Variants in CAPN11 observed in about 807,000 individuals in gnomAD.
CAPN11 encodes the protein calpain-11.
Under a neutral mutation model 105.3 loss-of-function variants are expected in CAPN11, and 108 were observed. The ratio of observed to expected loss-of-function variants is 1.03; its 90% CI spans 0.88 to 1.20. The LOEUF (loss-of-function observed/expected upper bound fraction) is 1.20. CAPN11 is among the 50% of genes most tolerant of loss of function. CAPN11 has a pLI of 0.00. For missense variants in CAPN11, 883 were observed against 924.8 expected (o/e 0.95, Z 0.59); for synonymous variants, 329 against 344.5 (o/e 0.96, Z 0.50).
chr6:44,170,752 G>T (rs1770847152), intron 4 of CAPN11, among the ~76,000 whole-genome samples: 1 of 152,158 alleles, frequency 6.6e-6, no homozygotes, highest in Non-Finnish European at 1.5e-5. Context: ...CACTACAGGT[G>T]CTAGAACCCG....
rs200836901 is a variant in CAPN11 at position 44,180,664 on chromosome 6, T to C, written c.1746+2T>C. 1 of 1,607,198 alleles carries C rather than the reference T, an allele frequency of 6.2e-7. No homozygotes were observed. Among genetic ancestry groups the C allele is most frequent in the Non-Finnish European group, 8.5e-7 (1 of 1,177,140 alleles). On this transcript the variant is annotated splice_donor_variant, in intron 16 of 22. Coordinates refer to ENST00000398776, the MANE Select transcript of CAPN11 (RefSeq NM_007058.4). LOFTEE classifies it high-confidence loss of function. Reference sequence around the variant, plus strand: ...TTGTTTAAGATAGTGGCAGGAGAGGTGAGCAGGCCACGAGCGGAGGGCTGA... The same window carrying C: ...TTGTTTAAGATAGTGGCAGGAGAGGCGAGCAGGCCACGAGCGGAGGGCTGA...
chr6:44,160,052 T>G (rs1768439215), intron 1 of CAPN11, among the ~76,000 whole-genome samples: 1 of 151,716 alleles, frequency 6.6e-6, no homozygotes, highest in Non-Finnish European at 1.5e-5. Context: ...GAGAATCTCT[T>G]GAACCCAGCA....
At chr6:44,177,150 C>A in intron 11 of CAPN11, 92 bp from the exon 12 acceptor site, 1 of 1,478,376 alleles carries the variant, frequency 6.8e-7, no homozygotes, top group Non-Finnish European at 9.2e-7. Flanking sequence ...GAGGAGACAG[C>A]TCCAGTGTGG....
Position 44,177,280 on chromosome 6 carries a change from C to T in CAPN11, c.1276C>T (p.Pro426Ser), listed in dbSNP as rs773630807. 1 of 1,609,982 alleles carries T rather than the reference C, an allele frequency of 6.2e-7. No homozygotes were observed. Among genetic ancestry groups the T allele is most frequent in the Non-Finnish European group, 8.5e-7 (1 of 1,178,152 alleles). The change falls in exon 12 of 23, where the codon CCT (proline) becomes TCT (serine). Residue 426 changes from proline (P) to serine (S), a missense_variant. Transcript: ENST00000398776. ...CAACCCCCAGTTTAAGATCTCTCTT[C>T]CTGAGGGGGATGACCCAGAGGATGA... ...WTNPQFKISLPEGDDPEDDAE... is the reference protein window; with the variant it reads ...WTNPQFKISLSEGDDPEDDAE...
Position 44,180,923 on chromosome 6 carries a change from T to A in CAPN11, c.1805-10T>A. 6.2e-7 allele frequency: 1 copy of A among 1,613,324 alleles called. No individual in the cohort carries two copies. Among genetic ancestry groups the A allele is most frequent in the Non-Finnish European group, 8.5e-7 (1 of 1,179,388 alleles). On this transcript the variant is annotated splice_polypyrimidine_tract_variant and intron_variant, in intron 17 of 22. Transcript: ENST00000398776. ...CTGTCTCTCCTTTCTACCCCTTCCCTTCCTCACAGTCAAAAGCTTCAAGAC... is the reference window on the plus strand; with the variant it reads ...CTGTCTCTCCTTTCTACCCCTTCCCATCCTCACAGTCAAAAGCTTCAAGAC...
rs1772976900 is a variant in CAPN11 at position 44,180,601 on chromosome 6, A to G, written c.1685A>G (p.Lys562Arg). The change falls in exon 16 of 23, where the codon AAG (lysine) becomes AGG (arginine). Residue 562 changes from lysine to arginine, a missense_variant. Coordinates refer to ENST00000398776, the MANE Select transcript of CAPN11 (RefSeq NM_007058.4). ...TTCCTGCTCCCCGGCCCCCAGGAAA[A>G]GGTCTCTGAGGATGACATGGACCAG... ...VNYAEQLQEE[K>R]VSEDDMDQDF... 1 of 1,613,754 alleles carries G rather than the reference A, an allele frequency of 6.2e-7. No homozygotes were observed. Among genetic ancestry groups the G allele is most frequent in the Non-Finnish European group, 8.5e-7 (1 of 1,179,802 alleles).
rs1484831068 is a variant in CAPN11, at chr6:44,182,009, CACAT to C, written c.1938+693_1938+696del. Reference sequence around the variant, plus strand: ...CACAACCACACCACACTCACACACACACATACACACTCACATACAGACACAACCA... The same window carrying C: ...CACAACCACACCACACTCACACACACACACACTCACATACAGACACAACCA... On this transcript the variant is annotated intron_variant, in intron 19 of 22. Transcript: ENST00000398776. Among the ~76,000 whole-genome samples, 542 of 86,666 alleles carry C rather than the reference CACAT, an allele frequency of 6.3e-3. 2 individuals carry two copies. Among genetic ancestry groups the C allele is most frequent in the African/African-American group, 0.014 (226 of 16,494 alleles). 56.9% of individuals were successfully genotyped at this position (86,666 alleles called of 152,430 possible). A position where few individuals can be genotyped will look rare whatever the true frequency, so the allele number is the denominator to read the frequency against.
At chr6:44,177,137 G>A in intron 11 of CAPN11, 105 bp from the exon 12 acceptor site, 1 of 1,466,506 alleles carries the variant, frequency 6.8e-7, no homozygotes, top group Non-Finnish European at 9.3e-7. Flanking sequence ...CACAGCCCCT[G>A]TGGAGGAGAC....
Position 44,177,532 on chromosome 6 carries a change from G to A in CAPN11, c.1416+112G>A, listed in dbSNP as rs147072835. Reference sequence around the variant, plus strand: ...AGACAGAGTCTCACTCTGTTGCCCAGGCTGGAGTGCAGTGGCACAATCTCC... The same window carrying A: ...AGACAGAGTCTCACTCTGTTGCCCAAGCTGGAGTGCAGTGGCACAATCTCC... On this transcript the variant is annotated intron_variant, in intron 12 of 22. Coordinates refer to ENST00000398776, the MANE Select transcript of CAPN11 (RefSeq NM_007058.4). 61 of 1,011,436 alleles carry A rather than the reference G, an allele frequency of 6.0e-5. No individual in the cohort carries two copies. The African/African-American group carries it at 8.4e-4, about 14-fold the overall frequency. The allele number at this position is 1,011,436 out of a possible 1,614,324, so 62.7% of individuals were successfully genotyped here.
At chr6:44,177,149 G>C in intron 11 of CAPN11, 93 bp from the exon 12 acceptor site, 2 of 1,470,322 alleles carry the variant, frequency 1.4e-6, no homozygotes, top group Non-Finnish European at 1.8e-6. Flanking sequence ...GGAGGAGACA[G>C]CTCCAGTGTG....
chr6:44,181,282 G>A lies in CAPN11; in HGVS notation c.1900G>A (p.Glu634Lys). 6.2e-7 allele frequency: 1 copy of A among 1,613,532 alleles called. No homozygotes were observed. Among genetic ancestry groups the A allele is most frequent in the Non-Finnish European group, 8.5e-7 (1 of 1,179,618 alleles). ...KDGSGKLGLLEFKILWKKLKK... is the reference protein window; with the variant it reads ...KDGSGKLGLLKFKILWKKLKK... ...TGGCTCTGGCAAGCTGGGGCTTCTA[G>A]AGTTCAAGATCCTGTGGAAAAAACT... Residue 634 changes from glutamate to lysine, a missense_variant, in exon 19 of 23, where the codon GAG becomes AAG. Physicochemically the swap from Glu to Lys is moderately conservative, Grantham distance 56. Transcript: ENST00000398776.
chr6:44,181,292 T>A lies in CAPN11; in HGVS notation c.1910T>A (p.Ile637Asn). The A allele has an allele frequency of 1.2e-6, 2 of 1,613,324 alleles. No individual in the cohort carries two copies. Among genetic ancestry groups the A allele is most frequent in the Non-Finnish European group, 1.7e-6 (2 of 1,179,578 alleles). ...SGKLGLLEFKILWKKLKKWMD... is the reference protein window; with the variant it reads ...SGKLGLLEFKNLWKKLKKWMD... The stretch of plus-strand genomic sequence containing the variant: ...AAGCTGGGGCTTCTAGAGTTCAAGA[T>A]CCTGTGGAAAAAACTCAAGAAATGG... The change falls in exon 19 of 23, where the codon ATC (isoleucine) becomes AAC (asparagine). Residue 637 changes from isoleucine (I) to asparagine (N), a missense_variant. Physicochemically the swap from Ile to Asn is moderately radical, Grantham distance 149. Transcript: ENST00000398776.
chr6:44,183,539 T>A (rs1774127337), intron 21 of CAPN11, among the ~76,000 whole-genome samples, 166 bp from the exon 22 acceptor site: 1 of 152,198 alleles, frequency 6.6e-6, no homozygotes, highest in African/African-American at 2.4e-5. Flanking sequence ...TGGCTCCTGG[T>A]GAGGCTATGT....
rs773594653 is a variant in CAPN11 at position 44,169,502 on chromosome 6, G to A, written c.310G>A (p.Val104Met). Residue 104 changes from valine to methionine, a missense_variant, in exon 3 of 23, where the codon GTG becomes ATG. By Grantham distance (21) the Val-to-Met change is conservative. Transcript: ENST00000398776. The part of the protein sequence containing the change: ...FKDLGPNSKN[V>M]QNISWQRPKD... ...GGACCTGGGCCCCAACTCCAAAAAT[G>A]TGCAGAACATCTCCTGGCAGCGGCC... 2.5e-6 allele frequency: 4 copies of A among 1,599,518 alleles called. No homozygotes were observed. Among genetic ancestry groups the A allele is most frequent in the Non-Finnish European group, 3.4e-6 (4 of 1,173,272 alleles).
At chr6:44,163,161 C>T (rs2128291273) in intron 1 of CAPN11, among the ~76,000 whole-genome samples, 1 of 152,268 alleles carries the variant, frequency 6.6e-6, no homozygotes, top group South Asian at 2.1e-4. Context: ...AATGCAGCAG[C>T]CTCTATACAC....
In CAPN11 at chr6:44,180,987, A is replaced by C; in HGVS notation, c.1859A>C (p.Asn620Thr). 1 of 1,613,276 alleles carries C rather than the reference A, an allele frequency of 6.2e-7. No homozygotes were observed. The highest frequency in any genetic ancestry group is 8.5e-7 in the Non-Finnish European group (1 of 1,179,400). Residue 620 changes from asparagine (N) to threonine (T), a missense_variant, in exon 18 of 23, where the codon AAC (asparagine) becomes ACC (threonine). Coordinates refer to ENST00000398776, the MANE Select transcript of CAPN11 (RefSeq NM_007058.4). Reference sequence around the variant, plus strand: ...CTGGATGCTTGCCGCTGCATGATCAACCTCATGGATGTATCCTCCTGTCCA... The same window carrying C: ...CTGGATGCTTGCCGCTGCATGATCACCCTCATGGATGTATCCTCCTGTCCA... ...FGLDACRCMI[N>T]LMDKDGSGKL...
chr6:44,160,018 C>G (rs189039554), intron 1 of CAPN11, among the ~76,000 whole-genome samples: 105 of 152,078 alleles, frequency 6.9e-4, no homozygotes, highest in Admixed American at 1.6e-3. Flanking sequence ...CCTGTAATCC[C>G]AGCTACTCGG....
Position 44,166,520 on chromosome 6 carries a change from A to G in CAPN11, c.17-238A>G, listed in dbSNP as rs188499478. Reference sequence around the variant, plus strand: ...AACTAGTCTCTTGATTCTGTCACTCAGGGGAGGAGGACTAACTGAGACCTC... The same window carrying G: ...AACTAGTCTCTTGATTCTGTCACTCGGGGGAGGAGGACTAACTGAGACCTC... On this transcript the variant is annotated intron_variant, in intron 1 of 22. Transcript: ENST00000398776. Among the ~76,000 whole-genome samples, 19 of 152,212 alleles carry G rather than the reference A, an allele frequency of 1.2e-4. No homozygotes were observed. The East Asian group carries it at 3.7e-3, about 29-fold the overall frequency.
intron 12 of CAPN11, among the ~76,000 whole-genome samples, chr6:44,178,978 C>T (rs1022401062): frequency 2.6e-5 from 4 of 152,068 alleles, no homozygotes; most frequent in South Asian, 4.1e-4. Context: ...CTGAGCTCTC[C>T]GGTGCACACA....
Sources: gnomAD v4.1 joint callset for allele counts (sites outside exome capture counted in the v4.1 genomes callset) on GRCh38, gnomAD v4.1.1 for gene constraint, MANE v1.5 for transcripts, NCBI Gene and HGNC (gene_info 2026-07-23, HGNC 2026-07-21) for gene names.